The following MYO18A variants were observed in gnomAD, a reference collection of about 807,000 sequenced individuals.
MYO18A encodes the protein unconventional myosin-XVIIIa.
MYO18A carries 78 observed loss-of-function variants against 235.8 expected under a neutral mutation model. The ratio of observed to expected loss-of-function variants is 0.33; its 90% CI spans 0.28 to 0.40. The LOEUF (loss-of-function observed/expected upper bound fraction) is 0.40. MYO18A is among the 10% of genes least tolerant of loss of function. The probability of loss-of-function intolerance (pLI) is 1.00; values close to 1 mark genes in which losing one functional copy is unlikely to be tolerated. For missense variants in MYO18A, 2,215 were observed against 2,699.3 expected, an observed-to-expected ratio of 0.82 and a Z score of 3.98; for synonymous variants, 977 against 1,077.8, an observed-to-expected ratio of 0.91 and a Z score of 1.83.
At chr17:29,080,441 C>T in intron 41 of MYO18A, 1 of 985,974 alleles carries the variant, frequency 1.0e-6, no homozygotes, top group Non-Finnish European at 1.2e-6. Flanking sequence ...ATACTGGCTC[C>T]ATCATCCCAC....
intron 2 of MYO18A, among the ~76,000 whole-genome samples, chr17:29,143,724 C>T (rs1465251413): frequency 2.0e-5 from 3 of 152,306 alleles, no homozygotes; most frequent in Admixed American, 6.5e-5. Flanking sequence ...ACCCTGCTTC[C>T]TTAAGTACAA....
chr17:29,075,085 G>A, intron 41 of MYO18A, 171 bp from the exon 42 acceptor site: 4 of 706,852 alleles, frequency 5.7e-6, no homozygotes, highest in Non-Finnish European at 9.3e-6. Context: ...AATGCTAAGA[G>A]GAAGGAGACT....
In MYO18A at chr17:29,162,415, T is replaced by C. The variant is rs149392980; in HGVS notation, c.999+3527A>G. ...GTCTCCCAGCCTTATTCCTGAAATA[T>C]GTGATTCTCTCTCCATAACTTTAGG... On this transcript the variant is annotated intron_variant, in intron 2 of 41. Coordinates refer to ENST00000527372, the MANE Select transcript of MYO18A (RefSeq NM_078471.4). 5.3e-3 allele frequency among the ~76,000 whole-genome samples: 805 copies of C among 152,300 alleles called. 9 individuals carry two copies. Among genetic ancestry groups the C allele is most frequent in the African/African-American group, 0.018 (746 of 41,564 alleles).
At chr17:29,130,595 GCTAATCAAACTGA>G (rs2067449489) in intron 2 of MYO18A, among the ~76,000 whole-genome samples, 1 of 151,232 alleles carries the variant, frequency 6.6e-6, no homozygotes, top group African/African-American at 2.4e-5. Flanking sequence ...ACAGTGCCTG[GCTAATCAAACTGA>G]CCAAGGAAGT....
chr17:29,087,355 G>A (rs1323907229), intron 37 of MYO18A, among the ~76,000 whole-genome samples: 2 of 152,172 alleles, frequency 1.3e-5, no homozygotes, highest in African/African-American at 4.8e-5. Context: ...GAATGTGAAT[G>A]CACTCTGAAA....
intron 40 of MYO18A, 23 bp from the exon 41 acceptor site, chr17:29,082,461 G>A: frequency 6.2e-7 from 1 of 1,609,040 alleles, no homozygotes; most frequent in Non-Finnish European, 8.5e-7. Context: ...GGAGCAGAAA[G>A]GTAGACAAGG....
rs1217159134 is a variant in MYO18A at position 29,125,020 on chromosome 17, C to T, written c.1000-2767G>A. Among the ~76,000 whole-genome samples the T allele has an allele frequency of 2.0e-5, 3 of 152,302 alleles. No homozygotes were observed. In the South Asian group the frequency reaches 6.2e-4, roughly 32 times the overall value. On this transcript the variant is annotated intron_variant, in intron 2 of 41. Transcript: ENST00000527372. This position sits in a 1 kb window ranked among gnomAD's most constrained non-coding sequence, Gnocchi z 5.1. ...CGCAGTCTCTCCTGGGCTGGCCATCCGGTCTATTCTGAATCAGGCTCCCTC... is the reference window on the plus strand; with the variant it reads ...CGCAGTCTCTCCTGGGCTGGCCATCTGGTCTATTCTGAATCAGGCTCCCTC...
Position 29,073,907 on chromosome 17 carries a change from A to T in MYO18A, c.*863T>A. On this transcript the variant is annotated 3_prime_UTR_variant, in exon 42 of 42. Coordinates refer to ENST00000527372, the MANE Select transcript of MYO18A (RefSeq NM_078471.4). ...TTTATGGTCCAGACCACCTGGACAG[A>T]GCAGGAGGGAGGCAGTGCTTGGATC... The T allele has an allele frequency of 6.2e-7, 1 of 1,613,520 alleles. No individual in the cohort carries two copies. Among genetic ancestry groups the T allele is most frequent in the Middle Eastern group, 1.7e-4 (1 of 6,058 alleles).
At position 29,120,571 on chromosome 17, in the gene MYO18A, T is replaced by G. The variant is rs1245837762; in HGVS notation, c.1728+45A>C. ...GCCTGATGTCTAGGTCATGAAATCA[T>G]GTGGCCTGTGTCCTACTACCCCGAG... On this transcript the variant is annotated intron_variant, in intron 7 of 41. Coordinates refer to ENST00000527372, the MANE Select transcript of MYO18A (RefSeq NM_078471.4). This position sits in a 1 kb window ranked among gnomAD's most constrained non-coding sequence, Gnocchi z 4.2. 1.3e-6 allele frequency: 2 copies of G among 1,587,590 alleles called. No homozygotes were observed. The highest frequency in any genetic ancestry group is 1.3e-5 in the African/African-American group (1 of 74,260).
intron 2 of MYO18A, among the ~76,000 whole-genome samples, chr17:29,150,724 G>C (rs2067948515): frequency 6.6e-6 from 1 of 152,226 alleles, no homozygotes; most frequent in Non-Finnish European, 1.5e-5. Context: ...CATTTTGGGA[G>C]GTCTAGGCAG....
intron 19 of MYO18A, chr17:29,107,403 G>A: frequency 1.8e-6 from 1 of 544,340 alleles, no homozygotes; most frequent in Non-Finnish European, 3.3e-6. Context: ...CTGCTCCACA[G>A]GGGGATAGGA....
chr17:29,154,040 A>T (rs752852129), intron 2 of MYO18A, among the ~76,000 whole-genome samples: 5 of 152,190 alleles, frequency 3.3e-5, no homozygotes, highest in Admixed American at 6.5e-5. Flanking sequence ...AAGGGCTAGA[A>T]GCAAATGGCA....
At chr17:29,157,799 C>T (rs1232939736) in intron 2 of MYO18A, among the ~76,000 whole-genome samples, 2 of 150,978 alleles carry the variant, frequency 1.3e-5, no homozygotes, top group African/African-American at 2.4e-5. Context: ...TTTTTTCTTT[C>T]GAGACAGGGT....
At chr17:29,081,131 C>A in intron 41 of MYO18A, 2 of 460,986 alleles carry the variant, frequency 4.3e-6, no homozygotes, top group Non-Finnish European at 5.7e-6. Context: ...GGGAGGGAGG[C>A]GAAAGGAGGA....
chr17:29,112,074 A>G (rs896659494), intron 15 of MYO18A, among the ~76,000 whole-genome samples: 2 of 152,222 alleles, frequency 1.3e-5, no homozygotes, highest in Non-Finnish European at 2.9e-5. Context: ...AGCAGAGGGA[A>G]GCCCACAGCA....
intron 37 of MYO18A, among the ~76,000 whole-genome samples, chr17:29,088,663 A>G (rs2066318758): frequency 1.3e-5 from 2 of 152,222 alleles, no homozygotes; most frequent in Non-Finnish European, 2.9e-5. Context: ...AACCCAGGAG[A>G]TAATCCTTTC....
At chr17:29,128,912 T>C (rs1443165419) in intron 2 of MYO18A, 1 of 635,874 alleles carries the variant, frequency 1.6e-6, no homozygotes, top group African/African-American at 1.9e-5. Flanking sequence ...AGTCCCATTC[T>C]AGGTGAGCCC....
intron 2 of MYO18A, among the ~76,000 whole-genome samples, chr17:29,150,577 C>T (rs569154967): frequency 4.5e-4 from 69 of 152,358 alleles, no homozygotes; most frequent in African/African-American, 1.6e-3. Context: ...AAGGAGGAAA[C>T]AAACCTTCAA....
At chr17:29,124,633 G>GT in intron 2 of MYO18A, 1 of 1,278,804 alleles carries the variant, frequency 7.8e-7, no homozygotes. Context: ...GGGCTCCTGA[G>GT]TGGGGGGAGA....
Sources: allele counts gnomAD v4.1 joint callset (sites outside exome capture counted in the v4.1 genomes callset), GRCh38; gene constraint gnomAD v4.1.1; non-coding constraint Gnocchi (gnomAD v3.1); transcripts MANE v1.5; gene names NCBI Gene and HGNC (gene_info 2026-07-23, HGNC 2026-07-21).